The following ANKS1B variants were observed in gnomAD, a reference collection of about 807,000 sequenced individuals.
ANKS1B encodes the protein ankyrin repeat and sterile alpha motif domain containing 1B, also known as ankyrin repeat and sterile alpha motif domain-containing protein 1B.
Under a neutral mutation model 148.3 loss-of-function variants are expected in ANKS1B, and 36 were observed. That is an observed-to-expected ratio of 0.24 (90% CI 0.19 to 0.32). ANKS1B has a LOEUF of 0.32. ANKS1B is among the 10% of genes least tolerant of loss of function. ANKS1B has a pLI of 1.00. For missense variants in ANKS1B, 1,157 were observed against 1,542.6 expected (o/e 0.75, Z 4.19); for synonymous variants, 542 against 560.8 (o/e 0.97, Z 0.47).
intron 1 of ANKS1B, among the ~76,000 whole-genome samples, chr12:99,903,311 A>G (rs1288128677): frequency 1.3e-5 from 2 of 152,192 alleles, no homozygotes; most frequent in Non-Finnish European, 1.5e-5. Context: ...TGATTGGTCC[A>G]TCACTCAAGC....
At chr12:99,804,276 T>A (rs139780677) in intron 4 of ANKS1B, among the ~76,000 whole-genome samples, 49 of 152,320 alleles carry the variant, frequency 3.2e-4, no homozygotes, top group African/African-American at 1.2e-3. Context: ...ATTAAACAAC[T>A]TTTAGGAAAA....
chr12:99,105,768 CAAAAAAAAAAA>C (rs11349848), intron 15 of ANKS1B, among the ~76,000 whole-genome samples: 1 of 82,932 alleles, frequency 1.2e-5, no homozygotes, highest in Non-Finnish European at 2.4e-5. Context: ...GACTCTGTCT[CAAAAAAAAAAA>C]AAAAAAAAAA....
At chr12:99,497,927 C>T (rs2152987790) in intron 10 of ANKS1B, among the ~76,000 whole-genome samples, 1 of 152,198 alleles carries the variant, frequency 6.6e-6, no homozygotes, top group East Asian at 1.9e-4. Flanking sequence ...CCCATTTTGT[C>T]TGTAAGCCTA....
At chr12:98,944,932 C>A (rs577189760) in intron 17 of ANKS1B, among the ~76,000 whole-genome samples, 128 of 152,312 alleles carry the variant, frequency 8.4e-4, no homozygotes, top group African/African-American at 2.9e-3. Context: ...TAAATTATGT[C>A]TAAACCCTTT....
chr12:99,258,125 G>A (rs1420194841), intron 12 of ANKS1B, among the ~76,000 whole-genome samples: 2 of 152,070 alleles, frequency 1.3e-5, no homozygotes. Context: ...AGTTTATTAG[G>A]AATCAAAAGT....
At chr12:99,332,558 C>T (rs1236839483) in intron 12 of ANKS1B, among the ~76,000 whole-genome samples, 2 of 151,692 alleles carry the variant, frequency 1.3e-5, no homozygotes, top group Non-Finnish European at 2.9e-5. Context: ...AAAAAAGTGT[C>T]ATGGTTTTAA....
intron 1 of ANKS1B, among the ~76,000 whole-genome samples, chr12:99,945,917 G>A (rs1316862954): frequency 6.6e-6 from 1 of 152,166 alleles, no homozygotes; most frequent in East Asian, 1.9e-4. Context: ...GCATTTAATT[G>A]CTGGTGTTTG....
intron 9 of ANKS1B, among the ~76,000 whole-genome samples, chr12:99,610,449 T>C (rs975748932): frequency 2.0e-5 from 3 of 152,110 alleles, no homozygotes; most frequent in African/African-American, 2.4e-5. Context: ...AGCCAGCCTC[T>C]ACACAGAAAG....
chr12:99,858,716 G>A (rs1415074347), intron 1 of ANKS1B, among the ~76,000 whole-genome samples: 1 of 152,008 alleles, frequency 6.6e-6, no homozygotes, highest in African/African-American at 2.4e-5. Context: ...ACAAAATAAT[G>A]GCATTCACAG....
At chr12:99,452,823 A>G (rs1029577948) in intron 10 of ANKS1B, among the ~76,000 whole-genome samples, 7 of 152,222 alleles carry the variant, frequency 4.6e-5, no homozygotes, top group Non-Finnish European at 1.0e-4. Context: ...CATTACTATC[A>G]CCAACAATAG....
chr12:98,784,753 G>A lies in ANKS1B; in HGVS notation c.3343-2616C>T, dbSNP rs562583687. The stretch of plus-strand genomic sequence containing the variant: ...TACAAAGATCCCACATCAGATGCTC[G>A]GCCAAGTTGAACAAAAAAAAGAAAA... On this transcript the variant is annotated intron_variant, in intron 22 of 26. Transcript: ENST00000683438. 1.4e-3 allele frequency among the ~76,000 whole-genome samples: 210 copies of A among 152,220 alleles called. 1 individual carries two copies. The highest frequency in any genetic ancestry group is 4.8e-3 in the African/African-American group (198 of 41,524).
At chr12:99,888,502 T>C (rs992023088) in intron 1 of ANKS1B, among the ~76,000 whole-genome samples, 5 of 152,176 alleles carry the variant, frequency 3.3e-5, no homozygotes, top group African/African-American at 1.2e-4. Context: ...CAAGTGGAGA[T>C]AGCAAGGGCT....
At chr12:99,629,786 T>C (rs1265119939) in intron 9 of ANKS1B, among the ~76,000 whole-genome samples, 3 of 152,124 alleles carry the variant, frequency 2.0e-5, no homozygotes, top group Non-Finnish European at 4.4e-5. Context: ...GAGAGCCTAC[T>C]ATAGTTCTGT....
At chr12:98,756,028 T>C (rs1372940250) in intron 25 of ANKS1B, among the ~76,000 whole-genome samples, 3 of 152,176 alleles carry the variant, frequency 2.0e-5, no homozygotes, top group Non-Finnish European at 4.4e-5. Flanking sequence ...CTAGGAACAT[T>C]ACTCTGGGGG....
chr12:98,907,240 T>C (rs2099780551), intron 17 of ANKS1B, among the ~76,000 whole-genome samples: 1 of 152,228 alleles, frequency 6.6e-6, no homozygotes, highest in Non-Finnish European at 1.5e-5. Context: ...GATGGACATA[T>C]GAAGATGGGC....
intron 17 of ANKS1B, among the ~76,000 whole-genome samples, chr12:98,981,223 G>A (rs1393404203): frequency 2.0e-5 from 3 of 151,932 alleles, no homozygotes; most frequent in Non-Finnish European, 2.9e-5. Context: ...CCGCAGCCTC[G>A]AATTCCTGGC....
intron 8 of ANKS1B, among the ~76,000 whole-genome samples, chr12:99,731,637 T>C (rs184594035): frequency 6.2e-4 from 95 of 152,260 alleles, no homozygotes; most frequent in African/African-American, 2.2e-3. Flanking sequence ...AACTCAACCT[T>C]TCCTTATACC....
At chr12:99,299,250 G>A (rs774732289) in intron 12 of ANKS1B, among the ~76,000 whole-genome samples, 17 of 151,910 alleles carry the variant, frequency 1.1e-4, no homozygotes, top group Non-Finnish European at 2.2e-4. Context: ...TTGTAGAGAC[G>A]AGGTCTCGCT....
chr12:99,917,651 T>G (rs1158430949), intron 1 of ANKS1B, among the ~76,000 whole-genome samples: 4 of 152,238 alleles, frequency 2.6e-5, no homozygotes, highest in African/African-American at 7.2e-5. Flanking sequence ...TTTTTGCCTC[T>G]GCCAGGTCAT....
Sources: gnomAD v4.1 joint callset for allele counts (sites outside exome capture counted in the v4.1 genomes callset) on GRCh38, gnomAD v4.1.1 for gene constraint, MANE v1.5 for transcripts, NCBI Gene and HGNC (gene_info 2026-07-23, HGNC 2026-07-21) for gene names.